PPT2: variants seen among roughly 807,000 people sequenced by gnomAD.
PPT2 encodes palmitoyl-protein thioesterase 2, also known as lysosomal thioesterase PPT2.
PPT2 carries 20 observed loss-of-function variants against 37.3 expected under a neutral mutation model. The ratio of observed to expected loss-of-function variants is 0.54; its 90% CI spans 0.38 to 0.78. The LOEUF (loss-of-function observed/expected upper bound fraction) is 0.78, where lower values mean the gene tolerates loss of function less well. Ranked by LOEUF, PPT2 falls within the 30% of genes least tolerant of loss-of-function variation. The pLI is 0.00. For missense variants in PPT2, 270 were observed against 389.8 expected, an observed-to-expected ratio of 0.69 and a Z score of 2.59; for synonymous variants, 135 against 159.1, an observed-to-expected ratio of 0.85 and a Z score of 1.14.
rs1561809676 is a variant in PPT2 at position 32,154,170 on chromosome 6, C to A, written c.-243C>A. On this transcript the variant is annotated 5_prime_UTR_variant, in exon 1 of 9. Coordinates refer to ENST00000324816, the MANE Select transcript of PPT2 (RefSeq NM_005155.7). This position sits in a 1 kb window ranked among gnomAD's most constrained non-coding sequence, Gnocchi z 7.3. ...TTCCCCTGCGCTCTCTTTCCTCACC[C>A]TTCCCCCCGCCACCGTGGGTTCCAG... The A allele has an allele frequency of 9.0e-7, 1 of 1,105,924 alleles. No homozygotes were observed. Among genetic ancestry groups the A allele is most frequent in the Non-Finnish European group, 1.1e-6 (1 of 905,908 alleles). The allele number at this position is 1,105,924 out of a possible 1,614,324, so 68.5% of individuals were successfully genotyped here.
chr6:32,162,495 C>T lies in PPT2; in HGVS notation c.711-73C>T, dbSNP rs1784225210. 2.8e-6 allele frequency: 4 copies of T among 1,446,516 alleles called. No individual in the cohort carries two copies. The highest frequency in any genetic ancestry group is 4.5e-5 in the East Asian group (2 of 44,048). 89.6% of individuals were successfully genotyped at this position (1,446,516 alleles called of 1,614,324 possible). A position where few individuals can be genotyped will look rare whatever the true frequency, so the allele number is the denominator to read the frequency against. On this transcript the variant is annotated intron_variant, in intron 7 of 8. Coordinates refer to ENST00000324816, the MANE Select transcript of PPT2 (RefSeq NM_005155.7). This position sits in a 1 kb window ranked among gnomAD's most constrained non-coding sequence, Gnocchi z 5.5. ...TTGGCCTCCCAAAGTGCTGCAATTA[C>T]AGGCGTGTGCCACTGCGCCCGGCCA...
upstream of PPT2, chr6:32,153,859 T>C: frequency 9.2e-7 from 1 of 1,083,844 alleles, no homozygotes; most frequent in Non-Finnish European, 1.3e-6. The surrounding 1 kb of genome is among the most constrained non-coding windows in gnomAD (Gnocchi z 4.4). Context: ...GTGGGGAGAA[T>C]CAAGGCGGGG....
At chr6:32,160,987 CAAAA>C (rs9281663) in intron 7 of PPT2, among the ~76,000 whole-genome samples, 2 of 107,138 alleles carry the variant, frequency 1.9e-5, no homozygotes, top group African/African-American at 3.5e-5. Flanking sequence ...GACCCTGTCT[CAAAA>C]AAAAAAAAAA....
chr6:32,153,748 CA>C, upstream of PPT2: 5 of 1,354,768 alleles, frequency 3.7e-6, no homozygotes, highest in Non-Finnish European at 5.0e-6. This position sits in a 1 kb window ranked among gnomAD's most constrained non-coding sequence, Gnocchi z 4.4. Flanking sequence ...CAGCACACGG[CA>C]AAATGCAGAG....
Position 32,163,139 on chromosome 6 carries a change from A to G in PPT2, c.*189A>G. On this transcript the variant is annotated 3_prime_UTR_variant, in exon 9 of 9. Coordinates refer to ENST00000324816, the MANE Select transcript of PPT2 (RefSeq NM_005155.7). Reference sequence around the variant, plus strand: ...ACCCCCTTCCTCTGCTCCTCCATGAATGACAATTCCAGGCCTCCCCTACCT... The same window carrying G: ...ACCCCCTTCCTCTGCTCCTCCATGAGTGACAATTCCAGGCCTCCCCTACCT... The G allele has an allele frequency of 1.6e-6, 1 of 634,686 alleles. No individual in the cohort carries two copies. Among genetic ancestry groups the G allele is most frequent in the Non-Finnish European group, 2.7e-6 (1 of 376,990 alleles). The allele number at this position is 634,686 out of a possible 1,614,324, so 39.3% of individuals were successfully genotyped here. A position where few individuals can be genotyped will look rare whatever the true frequency, so the allele number is the denominator to read the frequency against.
In PPT2 at chr6:32,162,683, TCTGTGACTCCTGAGCTGAAGGGTTCACC is replaced by T. The variant is rs1784240260; in HGVS notation, c.765+67_766-91del. 1.3e-6 allele frequency: 2 copies of T among 1,575,374 alleles called. No homozygotes were observed. Among genetic ancestry groups the T allele is most frequent in the East Asian group, 4.5e-5 (2 of 44,694 alleles). On this transcript the variant is annotated intron_variant, in intron 8 of 8. Transcript: ENST00000324816. The surrounding 1 kb of genome is among the most constrained non-coding windows in gnomAD (Gnocchi z 5.5). ...TGTCCCACCTTATTCCAGAGCCCTCTCTGTGACTCCTGAGCTGAAGGGTTCACCCTGTGGGGAGGAGGTCCAGGATCCC... is the reference window on the plus strand; with the variant it reads ...TGTCCCACCTTATTCCAGAGCCCTCTCTGTGGGGAGGAGGTCCAGGATCCC...
In PPT2 at chr6:32,163,159, C is replaced by A; in HGVS notation, c.*209C>A. On this transcript the variant is annotated 3_prime_UTR_variant, in exon 9 of 9. Transcript: ENST00000324816. ...CATGAATGACAATTCCAGGCCTCCC[C>A]TACCTCATGTCCTCTCATTTGGGGG... 1 of 594,846 alleles carries A rather than the reference C, an allele frequency of 1.7e-6. No individual in the cohort carries two copies. The highest frequency in any genetic ancestry group is 2.9e-6 in the Non-Finnish European group (1 of 342,354). The allele number at this position is 594,846 out of a possible 1,614,324, so 36.8% of individuals were successfully genotyped here.
At position 32,155,288 on chromosome 6, in the gene PPT2, C is replaced by A; in HGVS notation, c.337+105C>A. 7.5e-7 allele frequency: 1 copy of A among 1,340,564 alleles called. No individual in the cohort carries two copies. The highest frequency in any genetic ancestry group is 1.0e-6 in the Non-Finnish European group (1 of 964,460). The allele number at this position is 1,340,564 out of a possible 1,614,324, so 83.0% of individuals were successfully genotyped here. Reference sequence around the variant, plus strand: ...TTTTTCTGAACCACATTGCTCCAGGCACAACCCTGGTACCTGAGCCCTTCC... The same window carrying A: ...TTTTTCTGAACCACATTGCTCCAGGAACAACCCTGGTACCTGAGCCCTTCC... On this transcript the variant is annotated intron_variant, in intron 3 of 8. Transcript: ENST00000324816. The surrounding 1 kb of genome is among the most constrained non-coding windows in gnomAD (Gnocchi z 4.3).
Position 32,157,692 on chromosome 6 carries a change from T to C in PPT2, c.597T>C (p.Asn199=). The C allele has an allele frequency of 6.2e-7, 1 of 1,603,388 alleles. No individual in the cohort carries two copies. Among genetic ancestry groups the C allele is most frequent in the South Asian group, 1.1e-5 (1 of 90,864 alleles). The change falls in exon 6 of 9, where the codon AAT becomes AAC. Residue 199 remains asparagine, a synonymous_variant. Transcript: ENST00000324816. ...CCAGCAGCTTCCTGGCCCTGATCAATGGGGAAAGAGACCATCCCAATGCCA... is the reference window on the plus strand; with the variant it reads ...CCAGCAGCTTCCTGGCCCTGATCAACGGGGAAAGAGACCATCCCAATGCCA... ...LNASSFLALI[N]GERDHPNATV... is the part of the protein sequence containing the mutation.
At position 32,162,568 on chromosome 6, in the gene PPT2, C is replaced by T; in HGVS notation, c.711C>T (p.Ser237=). The change falls in exon 8 of 9, where the codon AGC becomes AGT. Residue 237 remains serine (S), a splice_region_variant and synonymous_variant. Coordinates refer to ENST00000324816, the MANE Select transcript of PPT2 (RefSeq NM_005155.7). This position sits in a 1 kb window ranked among gnomAD's most constrained non-coding sequence, Gnocchi z 5.5. The stretch of plus-strand genomic sequence containing the variant: ...AACCTCCCCCCAAATCTCTTTGTAG[C>T]TTCTTTGGTTTCTATGATGCAAATG... ...DDGVITPWQS[S]FFGFYDANET... The T allele has an allele frequency of 6.2e-7, 1 of 1,609,350 alleles. No individual in the cohort carries two copies. The highest frequency in any genetic ancestry group is 1.1e-5 in the South Asian group (1 of 90,966).
chr6:32,161,210 T>TTA lies in PPT2; in HGVS notation c.711-1357_711-1356dup, dbSNP rs548263033. On this transcript the variant is annotated intron_variant, in intron 7 of 8. Coordinates refer to ENST00000324816, the MANE Select transcript of PPT2 (RefSeq NM_005155.7). ...ATTATTCAAATTTTTCCAACTGTCC[T>TTA]TACAGAAAAAAATATACAGTGGAAG... 3.4e-3 allele frequency among the ~76,000 whole-genome samples: 519 copies of TTA among 152,314 alleles called. 21 individuals are homozygous for TTA. The highest frequency in any genetic ancestry group is 0.019 in the South Asian group (90 of 4,824).
In PPT2 at chr6:32,163,280, G is replaced by T; in HGVS notation, c.*330G>T. On this transcript the variant is annotated 3_prime_UTR_variant, in exon 9 of 9. Transcript: ENST00000324816. ...CTGCTTTTGCTGCTGCTGCTCCTCC[G>T]TATCTGGCTGTATGGGTGGAGAACC... is the stretch of plus-strand genomic sequence containing the variant. 3.1e-6 allele frequency: 1 copy of T among 321,438 alleles called. No individual in the cohort carries two copies. Among genetic ancestry groups the T allele is most frequent in the Non-Finnish European group, 5.7e-6 (1 of 174,710 alleles). 19.9% of individuals were successfully genotyped at this position (321,438 alleles called of 1,614,324 possible). A position where few individuals can be genotyped will look rare whatever the true frequency, so the allele number is the denominator to read the frequency against.
Position 32,162,682 on chromosome 6 carries a change from C to G in PPT2, c.765+60C>G. Reference sequence around the variant, plus strand: ...CTGTCCCACCTTATTCCAGAGCCCTCTCTGTGACTCCTGAGCTGAAGGGTT... The same window carrying G: ...CTGTCCCACCTTATTCCAGAGCCCTGTCTGTGACTCCTGAGCTGAAGGGTT... On this transcript the variant is annotated intron_variant, in intron 8 of 8. Transcript: ENST00000324816. The surrounding 1 kb of genome is among the most constrained non-coding windows in gnomAD (Gnocchi z 5.5). 1 of 1,575,280 alleles carries G rather than the reference C, an allele frequency of 6.3e-7. No individual in the cohort carries two copies. Among genetic ancestry groups the G allele is most frequent in the Non-Finnish European group, 8.7e-7 (1 of 1,144,684 alleles).
In PPT2 at chr6:32,156,290, G is replaced by T. The variant is rs1451753852; in HGVS notation, c.541+312G>T. 1.3e-5 allele frequency among the ~76,000 whole-genome samples: 2 copies of T among 152,102 alleles called. No homozygotes were observed. The highest frequency in any genetic ancestry group is 1.5e-5 in the Non-Finnish European group (1 of 68,018). On this transcript the variant is annotated intron_variant, in intron 5 of 8. Coordinates refer to ENST00000324816, the MANE Select transcript of PPT2 (RefSeq NM_005155.7). The surrounding 1 kb of genome is among the most constrained non-coding windows in gnomAD (Gnocchi z 4.9). ...CCGGCTAAGTTTTGTATTTTAAGTA[G>T]AGATGGAGTTTCGCCATGTTGGCCA...
intron 7 of PPT2, among the ~76,000 whole-genome samples, chr6:32,160,874 G>C (rs2127395140): frequency 6.6e-6 from 1 of 151,434 alleles, no homozygotes; most frequent in Non-Finnish European, 1.5e-5. Flanking sequence ...TGTAGTCCCA[G>C]CTACTTGGGA....
At position 32,159,433 on chromosome 6, in the gene PPT2, C is replaced by CAAAAAAAAAAAAAA. The variant is rs1214191656; in HGVS notation, c.710+1515_710+1528dup. Among the ~76,000 whole-genome samples, 11 of 22,194 alleles carry CAAAAAAAAAAAAAA rather than the reference C, an allele frequency of 5.0e-4. 1 individual carries two copies. The highest frequency in any genetic ancestry group is 5.2e-4 in the Non-Finnish European group (7 of 13,356). 14.6% of individuals were successfully genotyped at this position (22,194 alleles called of 152,430 possible). A position where few individuals can be genotyped will look rare whatever the true frequency, so the allele number is the denominator to read the frequency against. On this transcript the variant is annotated intron_variant, in intron 7 of 8. Coordinates refer to ENST00000324816, the MANE Select transcript of PPT2 (RefSeq NM_005155.7). The stretch of plus-strand genomic sequence containing the variant: ...GGGCAACAAGAGCGAAACTCCATCT[C>CAAAAAAAAAAAAAA]AAAAAAAAAAAAAAAAAAATATATA...
At position 32,155,803 on chromosome 6, in the gene PPT2, C is replaced by T. The variant is rs753416630; in HGVS notation, c.433+20C>T. 2.0e-5 allele frequency: 33 copies of T among 1,610,994 alleles called. No homozygotes were observed. In the East Asian group the frequency reaches 6.7e-4, roughly 33 times the overall value. ...ATGGAGGTGAGTGGGCACTAGACTC[C>T]ATAGAATGCCCTGAGTTTTGGGGGA... On this transcript the variant is annotated intron_variant, in intron 4 of 8. Coordinates refer to ENST00000324816, the MANE Select transcript of PPT2 (RefSeq NM_005155.7). The surrounding 1 kb of genome is among the most constrained non-coding windows in gnomAD (Gnocchi z 4.3).
chr6:32,153,660 C>T, upstream of PPT2: 1 of 374,450 alleles, frequency 2.7e-6, no homozygotes, highest in Non-Finnish European at 5.3e-6. The surrounding 1 kb of genome is among the most constrained non-coding windows in gnomAD (Gnocchi z 4.4). Flanking sequence ...CTGGGGCGGA[C>T]TGGAGGGTGG....
At chr6:32,153,603 CAAGG>C (rs1783497172), upstream of PPT2, 1 of 1,549,838 alleles carries the variant, frequency 6.5e-7, no homozygotes, top group Non-Finnish European at 8.7e-7. This position sits in a 1 kb window ranked among gnomAD's most constrained non-coding sequence, Gnocchi z 4.4. Context: ...TCTCTGGAGA[CAAGG>C]GCACTACACG....
Sources: gnomAD v4.1 joint callset for allele counts (sites outside exome capture counted in the v4.1 genomes callset) on GRCh38, gnomAD v4.1.1 for gene constraint, Gnocchi (gnomAD v3.1) non-coding constraint, MANE v1.5 for transcripts, NCBI Gene and HGNC (gene_info 2026-07-23, HGNC 2026-07-21) for gene names.